Variants in CAMTA1 observed in about 807,000 individuals in gnomAD.
CAMTA1 encodes the protein calmodulin binding transcription activator 1.
CAMTA1 carries 27 observed loss-of-function variants against 170.9 expected under a neutral mutation model. The ratio of observed to expected loss-of-function variants is 0.16; its 90% CI spans 0.12 to 0.22. The LOEUF (loss-of-function observed/expected upper bound fraction) is 0.22. Ranked by LOEUF, CAMTA1 falls within the 10% of genes least tolerant of loss-of-function variation. CAMTA1 has a pLI of 1.00. For missense variants in CAMTA1, 1,619 were observed against 2,217.2 expected, an observed-to-expected ratio of 0.73 and a Z score of 5.42; for synonymous variants, 833 against 891.5, an observed-to-expected ratio of 0.93 and a Z score of 1.17.
intron 6 of CAMTA1, among the ~76,000 whole-genome samples, chr1:7,536,626 G>C (rs1438528283): frequency 6.6e-6 from 1 of 152,176 alleles, no homozygotes; most frequent in African/African-American, 2.4e-5. Flanking sequence ...GGGCAGGGAC[G>C]GGGCTGGGAC....
intron 4 of CAMTA1, among the ~76,000 whole-genome samples, chr1:7,108,282 T>C (rs1314331122): frequency 6.6e-6 from 1 of 152,212 alleles, no homozygotes; most frequent in African/African-American, 2.4e-5. Flanking sequence ...GCCTCAGTTT[T>C]CGCATCTGTA....
At position 6,970,081 on chromosome 1, in the gene CAMTA1, C is replaced by G. The variant is rs1467511689; in HGVS notation, c.235-121223C>G. On this transcript the variant is annotated intron_variant, in intron 3 of 22. Coordinates refer to ENST00000303635, the MANE Select transcript of CAMTA1 (RefSeq NM_015215.4). The surrounding 1 kb of genome is among the most constrained non-coding windows in gnomAD (Gnocchi z 4.4). ...ACTCACCCTCTCCCTCCCAGGATCT[C>G]TAACCCCAGTCAACCACTAATTTGT... Among the ~76,000 whole-genome samples, 3 of 152,230 alleles carry G rather than the reference C, an allele frequency of 2.0e-5. No homozygotes were observed. The highest frequency in any genetic ancestry group is 6.5e-5 in the Admixed American group (1 of 15,286).
intron 3 of CAMTA1, among the ~76,000 whole-genome samples, chr1:6,911,770 C>G (rs1349838829): frequency 6.6e-6 from 1 of 152,216 alleles, no homozygotes; most frequent in African/African-American, 2.4e-5. Context: ...CTTGTGGAAC[C>G]TAAATTAACA....
chr1:7,541,415 TTGATATTA>T (rs2094609664), intron 6 of CAMTA1, among the ~76,000 whole-genome samples: 1 of 152,196 alleles, frequency 6.6e-6, no homozygotes, highest in Non-Finnish European at 1.5e-5. Context: ...GGGAGAAGGG[TTGATATTA>T]TGGCCACAGG....
intron 5 of CAMTA1, among the ~76,000 whole-genome samples, chr1:7,343,218 G>A (rs1161950990): frequency 1.3e-5 from 2 of 152,210 alleles, no homozygotes; most frequent in Non-Finnish European, 2.9e-5. Context: ...ATAAAACACA[G>A]GGCTCAGCGA....
At chr1:6,807,355 C>T (rs537712400) in intron 1 of CAMTA1, among the ~76,000 whole-genome samples, 1 of 152,166 alleles carries the variant, frequency 6.6e-6, no homozygotes, top group South Asian at 2.1e-4. Flanking sequence ...TCTTTCTGAG[C>T]TTGTTCACAT....
intron 5 of CAMTA1, among the ~76,000 whole-genome samples, chr1:7,273,608 G>C (rs1428142083): frequency 6.6e-6 from 1 of 152,142 alleles, no homozygotes; most frequent in Non-Finnish European, 1.5e-5. Context: ...GACTGCTAAT[G>C]AGTATTAGGT....
intron 3 of CAMTA1, among the ~76,000 whole-genome samples, chr1:6,977,555 T>C (rs577458343): frequency 6.6e-6 from 1 of 152,166 alleles, no homozygotes; most frequent in Non-Finnish European, 1.5e-5. Context: ...TCAGCCAGGA[T>C]GGTATCGATT....
At chr1:6,864,141 G>A (rs1490169225) in intron 3 of CAMTA1, among the ~76,000 whole-genome samples, 1 of 152,164 alleles carries the variant, frequency 6.6e-6, no homozygotes. Flanking sequence ...CCTGGCTGAG[G>A]TAGTGTTTGT....
chr1:7,373,502 TG>T (rs2086632565), intron 5 of CAMTA1, among the ~76,000 whole-genome samples: 1 of 151,890 alleles, frequency 6.6e-6, no homozygotes, highest in South Asian at 2.1e-4. Context: ...CCTTGTAGGG[TG>T]GTGGCTACGT....
chr1:6,986,545 G>A (rs1695392624), intron 3 of CAMTA1, among the ~76,000 whole-genome samples: 2 of 152,136 alleles, frequency 1.3e-5, no homozygotes, highest in African/African-American at 4.8e-5. Flanking sequence ...AGGTTAAGGT[G>A]GGAAAATCTT....
intron 6 of CAMTA1, among the ~76,000 whole-genome samples, chr1:7,581,427 C>T (rs1388415168): frequency 3.3e-5 from 5 of 152,256 alleles, no homozygotes; most frequent in Non-Finnish European, 7.3e-5. Flanking sequence ...CACCCTCCCA[C>T]ACACTCGAAT....
chr1:7,428,013 G>GGGAAGCA (rs941992753), intron 5 of CAMTA1, among the ~76,000 whole-genome samples: 14 of 152,354 alleles, frequency 9.2e-5, no homozygotes, highest in African/African-American at 3.4e-4. Flanking sequence ...TGCCACGGGA[G>GGGAAGCA]GGAAGCAGGA....
chr1:6,850,469 G>A (rs2148799223), intron 3 of CAMTA1, among the ~76,000 whole-genome samples: 1 of 152,314 alleles, frequency 6.6e-6, no homozygotes, highest in Admixed American at 6.5e-5. Context: ...TACAGAAGGG[G>A]TAGACCCACA....
chr1:7,073,561 C>T (rs991480883), intron 3 of CAMTA1, among the ~76,000 whole-genome samples: 3 of 152,056 alleles, frequency 2.0e-5, no homozygotes, highest in African/African-American at 7.2e-5. Flanking sequence ...AACTGAGAAG[C>T]AACAGCCAGA....
At chr1:6,983,955 G>A (rs1694870943) in intron 3 of CAMTA1, among the ~76,000 whole-genome samples, 2 of 147,336 alleles carry the variant, frequency 1.4e-5, no homozygotes, top group Non-Finnish European at 3.0e-5. Flanking sequence ...TCGAGGGTTG[G>A]GGGTGGATAA....
chr1:7,425,725 G>C (rs1299172431), intron 5 of CAMTA1, among the ~76,000 whole-genome samples: 1 of 151,580 alleles, frequency 6.6e-6, no homozygotes, highest in Admixed American at 6.6e-5. Flanking sequence ...GGACTGGCAG[G>C]GTCCATCCAC....
chr1:7,263,159 A>G (rs2149364357), intron 5 of CAMTA1, among the ~76,000 whole-genome samples: 1 of 152,190 alleles, frequency 6.6e-6, no homozygotes, highest in African/African-American at 2.4e-5. Flanking sequence ...TGTGCGCTTC[A>G]TTATGTATAG....
chr1:7,413,008 A>G (rs1417617917), intron 5 of CAMTA1, among the ~76,000 whole-genome samples: 1 of 151,382 alleles, frequency 6.6e-6, no homozygotes, highest in Non-Finnish European at 1.5e-5. Context: ...TTTATTAAAT[A>G]GGGAATCCTT....
Sources: gnomAD v4.1 joint callset for allele counts (sites outside exome capture counted in the v4.1 genomes callset) on GRCh38, gnomAD v4.1.1 for gene constraint, Gnocchi (gnomAD v3.1) non-coding constraint, MANE v1.5 for transcripts, NCBI Gene and HGNC (gene_info 2026-07-23, HGNC 2026-07-21) for gene names.